ACLY: variants seen among roughly 807,000 people sequenced by gnomAD.
ACLY encodes the protein ATP-citrate synthase.
Under a neutral mutation model 133.0 loss-of-function variants are expected in ACLY, and 41 were observed. The observed-to-expected ratio is 0.31, with a 90% CI of 0.24 to 0.40. The LOEUF (loss-of-function observed/expected upper bound fraction) is 0.40. ACLY is among the 10% of genes least tolerant of loss of function. ACLY has a pLI of 1.00. For synonymous variants in ACLY, 495 were observed against 549.3 expected, an observed-to-expected ratio of 0.90 and a Z score of 1.38; for missense variants, 1,046 against 1,453.8, an observed-to-expected ratio of 0.72 and a Z score of 4.56.
intron 20 of ACLY, among the ~76,000 whole-genome samples, chr17:41,882,014 G>A (rs558276594): frequency 2.6e-5 from 4 of 152,072 alleles, no homozygotes; most frequent in Non-Finnish European, 2.9e-5. Flanking sequence ...TTGCATGCCT[G>A]CCCTGTTTTC....
rs387907383 is a variant in ACLY at position 41,906,605 on chromosome 17, G to T, written c.789C>A (p.Ser263Arg). ...TGGGGTTCAGCAAGGTCAGCTTCAG[G>T]CTTGCCCCACTTTTGGCATCGAGGT... The part of the protein sequence containing the change: ...IADLDAKSGA[S>R]LKLTLLNPKG... Residue 263 changes from serine (S) to arginine (R), a missense_variant, in exon 8 of 29, where the codon AGC becomes AGA. Around this residue, in one of 4 missense-constraint regions of ACLY, gnomAD observed 575 missense variants for 804.2 expected, o/e 0.71. Transcript: ENST00000352035. The T allele has an allele frequency of 6.2e-7, 1 of 1,614,200 alleles. No individual in the cohort carries two copies. Among genetic ancestry groups the T allele is most frequent in the Non-Finnish European group, 8.5e-7 (1 of 1,180,028 alleles).
chr17:41,889,524 CAAAAAAAAAAAAAAAAAA>C (rs533387140), intron 16 of ACLY, among the ~76,000 whole-genome samples: 35 of 31,606 alleles, frequency 1.1e-3, no homozygotes, highest in South Asian at 2.5e-3. Flanking sequence ...CTCCATTTCA[CAAAAAAAAAAAAAAAAAA>C]AAAAAAAAAA....
chr17:41,905,793 C>T, intron 8 of ACLY, 135 bp from the exon 9 acceptor site: 1 of 1,060,968 alleles, frequency 9.4e-7, no homozygotes, highest in Non-Finnish European at 1.4e-6. Flanking sequence ...ATCTCCAGCC[C>T]CCAATTCCCA....
At chr17:41,899,382 C>T (rs1006043183) in intron 11 of ACLY, among the ~76,000 whole-genome samples, 1 of 152,150 alleles carries the variant, frequency 6.6e-6, no homozygotes, top group Non-Finnish European at 1.5e-5. Flanking sequence ...CCCAGCTCTC[C>T]AGCTTTCCTT....
chr17:41,898,734 G>A lies in ACLY; in HGVS notation c.1235C>T (p.Thr412Met), dbSNP rs782419889. 8 of 1,613,892 alleles carry A rather than the reference G, an allele frequency of 5.0e-6. No individual in the cohort carries two copies. The highest frequency in any genetic ancestry group is 1.1e-5 in the South Asian group (1 of 91,026). Residue 412 changes from threonine (T) to methionine (M), a missense_variant, in exon 12 of 29, where the codon ACG becomes ATG. By Grantham distance (81) the Thr-to-Met change is moderately conservative. This residue lies in a region of ACLY where 575 missense variants were observed against 804.2 expected (regional missense o/e 0.71). Coordinates refer to ENST00000352035, the MANE Select transcript of ACLY (RefSeq NM_001096.3). ...IHVFGTETHM[T>M]AIVGMALGHR... ...GCCCAGGGCCATGCCCACAATGGCC[G>A]TCATGTGAGTCTCTGTGCCAAAGAC...
chr17:41,917,515 C>G (rs1325992444), intron 1 of ACLY, among the ~76,000 whole-genome samples: 1 of 152,062 alleles, frequency 6.6e-6, no homozygotes, highest in Non-Finnish European at 1.5e-5. Flanking sequence ...ATGAAAGAAG[C>G]CTGTTCCCCA....
chr17:41,911,022 G>C (rs1421305400), intron 3 of ACLY, among the ~76,000 whole-genome samples: 1 of 152,122 alleles, frequency 6.6e-6, no homozygotes, highest in African/African-American at 2.4e-5. Context: ...GTGCTCCCTG[G>C]GGACATGCTC....
rs781915514 is a variant in ACLY, at chr17:41,907,474, G to A, written c.715C>T (p.Pro239Ser). 2.5e-6 allele frequency: 4 copies of A among 1,613,908 alleles called. No homozygotes were observed. The highest frequency in any genetic ancestry group is 2.2e-5 in the East Asian group (1 of 44,842). ...CKVKWGDIEF[P>S]PPFGREAYPE... ...TATGCCTCCCGCCCGAAGGGGGGAG[G>A]GAACTCGATGTCACCCCACTTCACT... is the stretch of plus-strand genomic sequence containing the variant. The change falls in exon 7 of 29, where the codon CCT becomes TCT. Residue 239 changes from proline (P) to serine (S), a missense_variant. Around this residue, in one of 4 missense-constraint regions of ACLY, gnomAD observed 575 missense variants for 804.2 expected, o/e 0.71. Coordinates refer to ENST00000352035, the MANE Select transcript of ACLY (RefSeq NM_001096.3).
chr17:41,910,382 C>T, intron 3 of ACLY, 98 bp from the exon 4 acceptor site: 4 of 959,934 alleles, frequency 4.2e-6, no homozygotes, highest in Non-Finnish European at 6.4e-6. Flanking sequence ...CAAGCACTCC[C>T]ACCACCACAC....
chr17:41,882,715 C>T (rs2048951375), intron 20 of ACLY, among the ~76,000 whole-genome samples: 1 of 152,192 alleles, frequency 6.6e-6, no homozygotes, highest in Admixed American at 6.5e-5. Context: ...CCTCTCCCCA[C>T]ACAAAACATC....
intron 1 of ACLY, among the ~76,000 whole-genome samples, chr17:41,928,852 T>TAA (rs11428338): frequency 0.043 from 5,149 of 119,732 alleles, 163 homozygotes; most frequent in Non-Finnish European, 0.062. Context: ...GACTCCACCA[T>TAA]AAAAAAAAAA....
chr17:41,892,521 A>C, intron 15 of ACLY, 74 bp from the exon 16 acceptor site: 1 of 1,359,184 alleles, frequency 7.4e-7, no homozygotes, highest in Non-Finnish European at 1.0e-6. Flanking sequence ...TGAGGGGAGG[A>C]ATTTCACCTA....
At chr17:41,874,012 C>G in intron 22 of ACLY, 47 bp from the exon 23 acceptor site, 2 of 1,533,514 alleles carry the variant, frequency 1.3e-6, no homozygotes, top group Admixed American at 3.7e-5. Context: ...GTGACCACCA[C>G]AGATTTTTCC....
intron 16 of ACLY, 79 bp from the exon 17 acceptor site, chr17:41,887,782 C>T: frequency 8.8e-7 from 1 of 1,132,972 alleles, no homozygotes; most frequent in Non-Finnish European, 1.3e-6. Flanking sequence ...TAAGGGCCCA[C>T]CTCCCATTCC....
chr17:41,893,504 G>T (rs1021580214), intron 14 of ACLY, among the ~76,000 whole-genome samples: 3 of 152,202 alleles, frequency 2.0e-5, no homozygotes. Context: ...CCCAGGCAAG[G>T]TGTGTCATCA....
chr17:41,912,164 T>C (rs546564992), intron 3 of ACLY, among the ~76,000 whole-genome samples: 2 of 151,618 alleles, frequency 1.3e-5, no homozygotes, highest in South Asian at 2.1e-4. Flanking sequence ...TTGAATTATA[T>C]TGAGGTTACC....
chr17:41,922,687 T>C (rs2050197123), upstream of ACLY, among the ~76,000 whole-genome samples: 1 of 152,246 alleles, frequency 6.6e-6, no homozygotes, highest in Non-Finnish European at 1.5e-5. Context: ...GCTGTATTTC[T>C]AGCAGTTTAA....
chr17:41,880,342 A>G (rs1335953538), intron 20 of ACLY, among the ~76,000 whole-genome samples: 1 of 152,174 alleles, frequency 6.6e-6, no homozygotes, highest in African/African-American at 2.4e-5. Context: ...ACAGAACAAA[A>G]AGGTGAAAAG....
chr17:41,915,480 A>G (rs942736822), intron 1 of ACLY, among the ~76,000 whole-genome samples: 2 of 152,104 alleles, frequency 1.3e-5, no homozygotes, highest in African/African-American at 4.8e-5. Flanking sequence ...CCCCCTCCCA[A>G]TCGGCCAGGC....
Sources: gnomAD v4.1 joint callset for allele counts (sites outside exome capture counted in the v4.1 genomes callset) on GRCh38, gnomAD v4.1.1 for gene constraint, gnomAD v4.1.1 regional missense constraint, MANE v1.5 for transcripts, NCBI Gene and HGNC (gene_info 2026-07-23, HGNC 2026-07-21) for gene names.